KLRG1: variants seen among roughly 807,000 people sequenced by gnomAD.
The protein encoded by KLRG1 is killer cell lectin like receptor G1.
Under a neutral mutation model 21.8 loss-of-function variants are expected in KLRG1, and 16 were observed. That is an observed-to-expected ratio of 0.73 (90% CI 0.50 to 1.11). The LOEUF is 1.11. Among genes scored for constraint, KLRG1 ranks in the 50% most tolerant of loss-of-function variants. The pLI is 0.00. For synonymous variants in KLRG1, 69 were observed against 75.9 expected, an observed-to-expected ratio of 0.91 and a Z score of 0.47; for missense variants, 173 against 218.3, an observed-to-expected ratio of 0.79 and a Z score of 1.31.
At chr12:9,049,062 C>A in the KLRG1 span, among the ~76,000 whole-genome samples, 6 of 152,216 alleles carry the variant, frequency 3.9e-5, no homozygotes, top group East Asian at 1.2e-3. Context: ...CTGAGAGGGA[C>A]TTTCCCCAGG....
At chr12:8,962,679 G>T (rs1290772552) in intron 1 of KLRG1, among the ~76,000 whole-genome samples, 1 of 148,756 alleles carries the variant, frequency 6.7e-6, no homozygotes, top group East Asian at 2.0e-4. Context: ...TCACACCACT[G>T]CACTCCAGCC....
the KLRG1 span, among the ~76,000 whole-genome samples, chr12:9,045,297 T>C: frequency 6.6e-6 from 1 of 152,106 alleles, no homozygotes; most frequent in Non-Finnish European, 1.5e-5. Flanking sequence ...TTAGATCCTA[T>C]TTAAGAAGTC....
chr12:9,202,307 G>A, the KLRG1 span: 1 of 1,609,390 alleles, frequency 6.2e-7, no homozygotes, highest in South Asian at 1.1e-5. Flanking sequence ...ACCACAGATA[G>A]TGGATGCTTA....
rs140114918 is a variant in KLRG1, at chr12:9,002,830, G to A, written c.358-6145G>A. The stretch of plus-strand genomic sequence containing the variant: ...GATTTTCCTGCCTTGGCCTCTCAAA[G>A]TGCTGGAAGTACAGATGTGAGCCAC... On this transcript the variant is annotated intron_variant, in intron 3 of 4. Coordinates refer to ENST00000356986, the MANE Select transcript of KLRG1 (RefSeq NM_005810.4). 1.6e-4 allele frequency among the ~76,000 whole-genome samples: 24 copies of A among 151,890 alleles called. No individual in the cohort carries two copies. The East Asian group carries it at 4.3e-3, about 27-fold the overall frequency.
At chr12:9,120,852 C>CATGTGTGTGTGTGTGTGTGTGTGTGT in the KLRG1 span, among the ~76,000 whole-genome samples, 31 of 143,474 alleles carry the variant, frequency 2.2e-4, no homozygotes, top group African/African-American at 7.4e-4. Flanking sequence ...ATCCCACTAA[C>CATGTGTGTGTGTGTGTGTGTGTGTGT]GTGTGTGTGT....
At chr12:8,966,518 G>T (rs1479849696) in intron 1 of KLRG1, among the ~76,000 whole-genome samples, 2 of 151,982 alleles carry the variant, frequency 1.3e-5, no homozygotes, top group Non-Finnish European at 2.9e-5. Context: ...TCAAAAAGTG[G>T]GCAAAGGATA....
At chr12:9,127,698 A>G in the KLRG1 span, 1 of 160,594 alleles carries the variant, frequency 6.2e-6, no homozygotes, top group African/African-American at 2.4e-5. Flanking sequence ...CTCTGGGGCT[A>G]TGGCAGCGGC....
the KLRG1 span, among the ~76,000 whole-genome samples, chr12:9,213,855 T>A: frequency 1.3e-5 from 2 of 152,078 alleles, no homozygotes; most frequent in Non-Finnish European, 2.9e-5. Flanking sequence ...TTTAAAACAT[T>A]TTTTGGTTCA....
chr12:9,154,551 T>C, the KLRG1 span: 1 of 1,428,914 alleles, frequency 7.0e-7, no homozygotes, highest in South Asian at 1.2e-5. Context: ...CATTAACTGT[T>C]CTACTTTTAA....
At chr12:9,061,388 G>C in the KLRG1 span, among the ~76,000 whole-genome samples, 1 of 152,138 alleles carries the variant, frequency 6.6e-6, no homozygotes, top group African/African-American at 2.4e-5. Flanking sequence ...GCCTCCCAAA[G>C]TGCTAGGATT....
At chr12:9,078,005 C>T in the KLRG1 span, 1 of 881,562 alleles carries the variant, frequency 1.1e-6, no homozygotes. Context: ...CTTTAGTCTG[C>T]CTGATTAATC....
the KLRG1 span, among the ~76,000 whole-genome samples, chr12:9,142,731 A>G: frequency 6.6e-6 from 1 of 152,182 alleles, no homozygotes; most frequent in Non-Finnish European, 1.5e-5. Flanking sequence ...GAGGCCCTTT[A>G]AGAACAGGGC....
At chr12:9,095,416 A>T in the KLRG1 span, 6 of 930,482 alleles carry the variant, frequency 6.4e-6, no homozygotes. Context: ...TAGAGAAGCC[A>T]CTTACCTCTT....
chr12:8,971,942 C>A (rs1464661294), intron 1 of KLRG1, among the ~76,000 whole-genome samples: 1 of 152,140 alleles, frequency 6.6e-6, no homozygotes. Flanking sequence ...ATATTTTCTC[C>A]CATTCTATAG....
chr12:9,019,317 G>T, the KLRG1 span, among the ~76,000 whole-genome samples: 3 of 152,214 alleles, frequency 2.0e-5, no homozygotes, highest in Admixed American at 2.0e-4. Flanking sequence ...TACACTGTTG[G>T]TTGGAGTGTA....
At chr12:9,157,874 G>T in the KLRG1 span, 2 of 1,547,244 alleles carry the variant, frequency 1.3e-6, no homozygotes, top group South Asian at 2.3e-5. Context: ...ATTAATTCCA[G>T]TGCCAAGTGT....
the KLRG1 span, chr12:9,150,579 C>G: frequency 9.3e-7 from 1 of 1,070,664 alleles, no homozygotes; most frequent in Non-Finnish European, 1.4e-6. Context: ...AGAAGAGGAT[C>G]AACTGTCACA....
chr12:9,125,890 A>C, the KLRG1 span, among the ~76,000 whole-genome samples: 425 of 152,276 alleles, frequency 2.8e-3, 2 homozygotes, highest in African/African-American at 1.0e-2. Flanking sequence ...GCTCACCACC[A>C]TGCCTGGCTA....
chr12:8,951,788 T>C (rs1027857997), intron 1 of KLRG1, among the ~76,000 whole-genome samples: 2 of 152,190 alleles, frequency 1.3e-5, no homozygotes, highest in Non-Finnish European at 2.9e-5. Context: ...TTCAGAAATC[T>C]TACCTCTTGG....
Sources: gnomAD v4.1 joint callset for allele counts (sites outside exome capture counted in the v4.1 genomes callset) on GRCh38, gnomAD v4.1.1 for gene constraint, MANE v1.5 for transcripts, NCBI Gene and HGNC (gene_info 2026-07-23, HGNC 2026-07-21) for gene names.